DIXDC1: variants seen among roughly 807,000 people sequenced by gnomAD.
The protein encoded by DIXDC1 is dixin.
A neutral mutation model predicts 103.1 loss-of-function variants in DIXDC1; 64 were observed. That is an observed-to-expected ratio of 0.62 (90% CI 0.51 to 0.76). The LOEUF (loss-of-function observed/expected upper bound fraction) is 0.76. DIXDC1 is among the 30% of genes least tolerant of loss of function. The pLI, the probability that DIXDC1 is intolerant of heterozygous loss-of-function variation, is 0.00. For synonymous variants in DIXDC1, 266 were observed against 298.5 expected (o/e 0.89, Z 1.12); for missense variants, 759 against 834.2 (o/e 0.91, Z 1.11).
chr11:111,968,492 A>G (rs782370154), intron 2 of DIXDC1, 21 bp from the exon 3 acceptor site: 31 of 1,609,250 alleles, frequency 1.9e-5, no homozygotes, highest in Non-Finnish European at 2.6e-5. Context: ...ATAACTTCCT[A>G]TATTTTCTCT....
At chr11:112,009,495 G>T (rs894550815) in intron 17 of DIXDC1, among the ~76,000 whole-genome samples, 1 of 152,052 alleles carries the variant, frequency 6.6e-6, no homozygotes, top group Non-Finnish European at 1.5e-5. Context: ...ACCTGGCAGA[G>T]ACATAACAAA....
At chr11:112,018,703 T>C (rs1219506436) in intron 19 of DIXDC1, among the ~76,000 whole-genome samples, 1 of 152,212 alleles carries the variant, frequency 6.6e-6, no homozygotes, top group Non-Finnish European at 1.5e-5. Flanking sequence ...TACTTTGTGA[T>C]TGGTAATTTA....
At chr11:111,974,423 T>G in intron 4 of DIXDC1, 169 bp downstream of exon 4, 1 of 648,134 alleles carries the variant, frequency 1.5e-6, no homozygotes, top group African/African-American at 1.8e-5. Flanking sequence ...AAGCCTTTTC[T>G]TCTGAGATGT....
chr11:112,000,231 G>A (rs954078418), intron 17 of DIXDC1, among the ~76,000 whole-genome samples: 2 of 152,046 alleles, frequency 1.3e-5, no homozygotes, highest in African/African-American at 2.4e-5. Flanking sequence ...GAACACTATC[G>A]AGAAAGTAAG....
rs1020889578 is a variant in DIXDC1 at position 112,021,501 on chromosome 11, C to G, written c.*2465C>G. 1 of 152,130 alleles carries G rather than the reference C, an allele frequency of 6.6e-6. No homozygotes were observed. The highest frequency in any genetic ancestry group is 2.1e-4 in the South Asian group (1 of 4,836). 9.4% of individuals were successfully genotyped at this position (152,130 alleles called of 1,614,324 possible). ...CCTCCTGACTTATTCATAGTATTGT[C>G]GCCTGGTGGCATTGGTGTGGGGTAG... On this transcript the variant is annotated 3_prime_UTR_variant, in exon 20 of 20. Coordinates refer to ENST00000440460, the MANE Select transcript of DIXDC1 (RefSeq NM_001037954.4).
chr11:111,980,695 T>G, intron 5 of DIXDC1, 42 bp from the exon 6 acceptor site: 1 of 1,526,772 alleles, frequency 6.5e-7, no homozygotes, highest in Non-Finnish European at 9.0e-7. Context: ...TCTGAACAAC[T>G]CTTCATAATA....
At position 112,017,890 on chromosome 11, in the gene DIXDC1, A is replaced by G. The variant is rs150406695; in HGVS notation, c.1971+5A>G. 2.9e-5 allele frequency: 46 copies of G among 1,600,610 alleles called. No individual in the cohort carries two copies. Among genetic ancestry groups the G allele is most frequent in the Non-Finnish European group, 3.8e-5 (44 of 1,172,224 alleles). On this transcript the variant is annotated splice_donor_5th_base_variant and intron_variant, in intron 19 of 19. Coordinates refer to ENST00000440460, the MANE Select transcript of DIXDC1 (RefSeq NM_001037954.4). This position sits in a 1 kb window ranked among gnomAD's most constrained non-coding sequence, Gnocchi z 4.0. ...TTTGGCACTGTCAAAGAGGAGGTAA[A>G]GAATCTGTGGGGAGTCTGTATGGTA... is the stretch of plus-strand genomic sequence containing the variant.
chr11:111,974,149 G>C lies in DIXDC1; in HGVS notation c.443G>C (p.Arg148Pro). The part of the protein sequence containing the change: ...RDSRAPLQSH[R>P]PHCATAVAQG... ...TCCAGAGCCCCTCTGCAAAGTCACC[G>C]ACCACACTGTGCCACTGCTGTTGCC... Residue 148 changes from arginine to proline, a missense_variant, in exon 4 of 20, where the codon CGA becomes CCA. This residue lies in a region of DIXDC1 where 657 missense variants were observed against 727.5 expected (regional missense o/e 0.90). Transcript: ENST00000440460. 1 of 1,613,970 alleles carries C rather than the reference G, an allele frequency of 6.2e-7. No homozygotes were observed. Among genetic ancestry groups the C allele is most frequent in the Non-Finnish European group, 8.5e-7 (1 of 1,179,894 alleles).
intron 14 of DIXDC1, among the ~76,000 whole-genome samples, chr11:111,994,518 CATAT>C (rs1197009498): frequency 6.7e-6 from 1 of 149,736 alleles, no homozygotes. Context: ...TATAACCATA[CATAT>C]ATATGTATAT....
chr11:111,969,726 C>T (rs1859851584), intron 3 of DIXDC1, among the ~76,000 whole-genome samples: 1 of 152,168 alleles, frequency 6.6e-6, no homozygotes, highest in Non-Finnish European at 1.5e-5. Flanking sequence ...CAGAACGGCT[C>T]ATGTTGGATT....
chr11:111,970,220 TTATTTTTG>T (rs1231340310), intron 3 of DIXDC1, among the ~76,000 whole-genome samples: 1 of 151,706 alleles, frequency 6.6e-6, no homozygotes, highest in Admixed American at 6.6e-5. Context: ...CATGCCTGGC[TTATTTTTG>T]TATTTTTGTA....
intron 15 of DIXDC1, 24 bp from the exon 16 acceptor site, chr11:111,995,379 G>C: frequency 6.2e-7 from 1 of 1,607,972 alleles, no homozygotes; most frequent in South Asian, 1.1e-5. Flanking sequence ...TGCCATGCCA[G>C]CAACACCTTA....
intron 10 of DIXDC1, among the ~76,000 whole-genome samples, chr11:111,991,607 G>A (rs1860715143): frequency 6.6e-6 from 1 of 152,166 alleles, no homozygotes; most frequent in African/African-American, 2.4e-5. Context: ...CATGGTTGAT[G>A]GAATATGTCA....
At chr11:111,929,217 G>A (rs1965936719) in intron 1 of DIXDC1, among the ~76,000 whole-genome samples, 1 of 152,146 alleles carries the variant, frequency 6.6e-6, no homozygotes, top group South Asian at 2.1e-4. Flanking sequence ...GCCTCTCTGG[G>A]TTAAAACTCA....
At chr11:111,960,361 C>T (rs1859530363) in intron 1 of DIXDC1, among the ~76,000 whole-genome samples, 2 of 151,012 alleles carry the variant, frequency 1.3e-5, no homozygotes, top group Admixed American at 6.6e-5. Flanking sequence ...TTTGGGAGGC[C>T]GAGGTGGGTG....
At chr11:111,987,581 T>A (rs1860536250) in intron 9 of DIXDC1, among the ~76,000 whole-genome samples, 1 of 152,096 alleles carries the variant, frequency 6.6e-6, no homozygotes, top group Non-Finnish European at 1.5e-5. Context: ...TTTCTTTTGG[T>A]CATAAGTCTA....
intron 7 of DIXDC1, 139 bp downstream of exon 7, chr11:111,982,626 A>C: frequency 1.1e-6 from 1 of 913,428 alleles, no homozygotes; most frequent in Admixed American, 2.9e-5. Flanking sequence ...ATAGCACAGA[A>C]AGAGCAGAAA....
chr11:111,939,590 T>C (rs1966350386), intron 1 of DIXDC1, among the ~76,000 whole-genome samples: 1 of 152,224 alleles, frequency 6.6e-6, no homozygotes, highest in South Asian at 2.1e-4. Flanking sequence ...TGAGTACTTT[T>C]GATTTCTCTG....
Position 111,977,178 on chromosome 11 carries a change from CG to C in DIXDC1, c.656+2196del. 2 of 860,716 alleles carry C rather than the reference CG, an allele frequency of 2.3e-6. No individual in the cohort carries two copies. Among genetic ancestry groups the C allele is most frequent in the Non-Finnish European group, 2.8e-6 (2 of 715,820 alleles). 53.3% of individuals were successfully genotyped at this position (860,716 alleles called of 1,614,324 possible). ...CCCCCACCTCCACCCCGCCCAGCCC[CG>C]CCCCTGGCCCGCACCCTCAACCTCC... On this transcript the variant is annotated intron_variant, in intron 5 of 19. Transcript: ENST00000440460. The surrounding 1 kb of genome is among the most constrained non-coding windows in gnomAD (Gnocchi z 6.1).
Sources: gnomAD v4.1 joint callset for allele counts (sites outside exome capture counted in the v4.1 genomes callset) on GRCh38, gnomAD v4.1.1 for gene constraint, gnomAD v4.1.1 regional missense constraint, Gnocchi (gnomAD v3.1) non-coding constraint, MANE v1.5 for transcripts, NCBI Gene and HGNC (gene_info 2026-07-23, HGNC 2026-07-21) for gene names.